CNBD1: variants seen among roughly 807,000 people sequenced by gnomAD.
The protein encoded by CNBD1 is cyclic nucleotide binding domain containing 1.
CNBD1 carries 71 observed loss-of-function variants against 54.4 expected under a neutral mutation model. The ratio of observed to expected loss-of-function variants is 1.30; its 90% CI spans 1.08 to 1.59. CNBD1 has a LOEUF of 1.59. Among genes scored for constraint, CNBD1 ranks in the 40% most tolerant of loss-of-function variants. The pLI is 0.00. For synonymous variants in CNBD1, 182 were observed against 170.7 expected, an observed-to-expected ratio of 1.07 and a Z score of -0.51; for missense variants, 659 against 518.0, an observed-to-expected ratio of 1.27 and a Z score of -2.64.
At chr8:86,975,895 A>G (rs754044835) in intron 4 of CNBD1, among the ~76,000 whole-genome samples, 6 of 152,128 alleles carry the variant, frequency 3.9e-5, no homozygotes, top group Non-Finnish European at 5.9e-5. Flanking sequence ...ACACTTGGTT[A>G]TCTTTTTTCT....
Position 86,866,425 on chromosome 8 carries a change from C to A in CNBD1, c.-71C>A. 9.3e-7 allele frequency: 1 copy of A among 1,071,586 alleles called. No homozygotes were observed. Among genetic ancestry groups the A allele is most frequent in the Non-Finnish European group, 1.4e-6 (1 of 709,962 alleles). The allele number at this position is 1,071,586 out of a possible 1,614,324, so 66.4% of individuals were successfully genotyped here. A position where few individuals can be genotyped will look rare whatever the true frequency, so the allele number is the denominator to read the frequency against. On this transcript the variant is annotated 5_prime_UTR_variant, in exon 1 of 11. Transcript: ENST00000518476. ...GGACCTTGAAGTTCTGCTTTATGAG[C>A]CTGCAGGCAAAGAGTGATCATTTGC...
Position 87,284,149 on chromosome 8 carries a change from T to C in CNBD1, c.772-529T>C, listed in dbSNP as rs74850748. Among the ~76,000 whole-genome samples the C allele has an allele frequency of 8.3e-3, 1,269 of 152,210 alleles. 31 individuals carry two copies. The highest frequency in any genetic ancestry group is 0.029 in the African/African-American group (1,194 of 41,550). On this transcript the variant is annotated intron_variant, in intron 6 of 10. Transcript: ENST00000518476. ...TAAATGTAGGTTCTCTGTGCAACTA[T>C]ATATAATATCATTATAACCTAATAA...
At chr8:87,030,145 AC>A (rs1179855257) in intron 4 of CNBD1, among the ~76,000 whole-genome samples, 2 of 152,148 alleles carry the variant, frequency 1.3e-5, no homozygotes, top group African/African-American at 4.8e-5. Context: ...GATGGCACTA[AC>A]TTTTTTTTAA....
intron 5 of CNBD1, among the ~76,000 whole-genome samples, chr8:87,228,335 A>G (rs1305961756): frequency 6.7e-6 from 1 of 150,358 alleles, no homozygotes; most frequent in Admixed American, 6.6e-5. Context: ...TAGAGTTTCC[A>G]GTTTTTCTGT....
At chr8:87,324,488 ATT>A (rs1563552705) in intron 8 of CNBD1, among the ~76,000 whole-genome samples, 1 of 146,980 alleles carries the variant, frequency 6.8e-6, no homozygotes. Flanking sequence ...AGCTCCTGTT[ATT>A]GGTCTATTCA....
chr8:86,892,494 AAAG>A (rs1358693923), intron 2 of CNBD1, among the ~76,000 whole-genome samples: 1 of 152,164 alleles, frequency 6.6e-6, no homozygotes, highest in African/African-American at 2.4e-5. Context: ...ATTTAAAACA[AAAG>A]AACTAACTGA....
chr8:87,389,353 C>T (rs1266859248), intron 2 of CNBD1, among the ~76,000 whole-genome samples: 1 of 152,164 alleles, frequency 6.6e-6, no homozygotes, highest in Non-Finnish European at 1.5e-5. Context: ...TAGAAAACCC[C>T]AGCGTCTCAG....
intron 10 of CNBD1, among the ~76,000 whole-genome samples, chr8:87,379,441 C>T (rs888720779): frequency 1.3e-5 from 2 of 151,782 alleles, no homozygotes; most frequent in Non-Finnish European, 2.9e-5. Context: ...TTTTTCAGCA[C>T]CACACCACAC....
At chr8:87,420,209 T>C (rs907431542) in intron 2 of CNBD1, among the ~76,000 whole-genome samples, 25 of 151,956 alleles carry the variant, frequency 1.6e-4, no homozygotes, top group African/African-American at 5.8e-4. Context: ...TTTCTATCAC[T>C]ATCACTGAGG....
chr8:87,420,482 A>G (rs1300405973), intron 2 of CNBD1, among the ~76,000 whole-genome samples: 1 of 152,052 alleles, frequency 6.6e-6, no homozygotes, highest in Non-Finnish European at 1.5e-5. Context: ...TCTTTGTTGA[A>G]ATGTTGTGAG....
Position 87,322,630 on chromosome 8 carries a change from C to T in CNBD1, c.1043-29055C>T, listed in dbSNP as rs1476521988. 3.4e-4 allele frequency among the ~76,000 whole-genome samples: 31 copies of T among 90,950 alleles called. 1 individual carries two copies. Among genetic ancestry groups the T allele is most frequent in the South Asian group, 1.9e-3 (6 of 3,110 alleles). The allele number at this position is 90,950 out of a possible 152,430, so 59.7% of individuals were successfully genotyped here. ...TTGAGAAGTGTCTGTTCATGTCCTT[C>T]GCCCACTTTTTGATGGGGTTGTTTG... On this transcript the variant is annotated intron_variant, in intron 8 of 10. Transcript: ENST00000518476.
At chr8:87,211,339 G>C (rs1162586492) in intron 5 of CNBD1, among the ~76,000 whole-genome samples, 1 of 152,206 alleles carries the variant, frequency 6.6e-6, no homozygotes, top group Non-Finnish European at 1.5e-5. Context: ...TTGAGTTAAT[G>C]ATGGAGCAAG....
At chr8:87,420,024 A>G (rs1383037528) in intron 2 of CNBD1, among the ~76,000 whole-genome samples, 1 of 150,920 alleles carries the variant, frequency 6.6e-6, no homozygotes, top group South Asian at 2.1e-4. Flanking sequence ...TATAGAAAGC[A>G]CTATACATAA....
chr8:86,962,507 C>T (rs1188339156), intron 4 of CNBD1, among the ~76,000 whole-genome samples: 6 of 152,018 alleles, frequency 3.9e-5, no homozygotes, highest in African/African-American at 9.7e-5. Flanking sequence ...AGTCAGAGGC[C>T]GGGCACAGTG....
At chr8:87,127,454 G>A (rs576778346) in intron 4 of CNBD1, among the ~76,000 whole-genome samples, 1 of 152,108 alleles carries the variant, frequency 6.6e-6, no homozygotes, top group African/African-American at 2.4e-5. Context: ...CTATCTGGAC[G>A]TTCATTGTTA....
At chr8:87,000,118 T>C (rs765907202) in intron 4 of CNBD1, among the ~76,000 whole-genome samples, 3 of 152,116 alleles carry the variant, frequency 2.0e-5, no homozygotes, top group African/African-American at 4.8e-5. Context: ...CCAAATCTTG[T>C]CTTGAATTGT....
At chr8:87,114,832 G>A (rs1811737397) in intron 4 of CNBD1, among the ~76,000 whole-genome samples, 1 of 152,070 alleles carries the variant, frequency 6.6e-6, no homozygotes, top group African/African-American at 2.4e-5. Flanking sequence ...TACTACTTGT[G>A]TCTCTTTGAC....
intron 4 of CNBD1, among the ~76,000 whole-genome samples, chr8:86,965,598 A>G (rs568605081): frequency 6.6e-6 from 1 of 152,276 alleles, no homozygotes; most frequent in African/African-American, 2.4e-5. Context: ...AAAGGACAGA[A>G]AGCAAATTCA....
intron 8 of CNBD1, among the ~76,000 whole-genome samples, chr8:87,326,575 C>G (rs1179875226): frequency 8.5e-6 from 1 of 117,390 alleles, no homozygotes; most frequent in Non-Finnish European, 1.9e-5. Flanking sequence ...TGCTGATACC[C>G]TTTCTTCCAG....
Sources: allele counts gnomAD v4.1 joint callset (sites outside exome capture counted in the v4.1 genomes callset), GRCh38; gene constraint gnomAD v4.1.1; transcripts MANE v1.5; gene names NCBI Gene and HGNC (gene_info 2026-07-23, HGNC 2026-07-21).